PRKCZ: variants seen among roughly 807,000 people sequenced by gnomAD.
The protein encoded by PRKCZ is protein kinase C zeta type.
In PRKCZ, 33 loss-of-function variants were observed where a neutral mutation model predicts 79.5. The ratio of observed to expected loss-of-function variants is 0.41; its 90% CI spans 0.31 to 0.55. The LOEUF (loss-of-function observed/expected upper bound fraction) is 0.55. Ranked by LOEUF, PRKCZ falls within the 20% of genes least tolerant of loss-of-function variation. The pLI is 0.19. For missense variants in PRKCZ, 578 were observed against 813.5 expected, an observed-to-expected ratio of 0.71 and a Z score of 3.52; for synonymous variants, 342 against 320.9, an observed-to-expected ratio of 1.07 and a Z score of -0.70.
intron 4 of PRKCZ, among the ~76,000 whole-genome samples, chr1:2,093,685 C>T (rs371209332): frequency 5.3e-5 from 8 of 152,234 alleles, no homozygotes; most frequent in South Asian, 2.1e-4. Context: ...ACTTCAGCCC[C>T]GCCTCTGCCC....
chr1:2,103,114 T>C (rs1339400333), intron 4 of PRKCZ, among the ~76,000 whole-genome samples: 1 of 152,174 alleles, frequency 6.6e-6, no homozygotes, highest in African/African-American at 2.4e-5. Context: ...ATTCTCCCAC[T>C]TCGCCCGCCC....
In PRKCZ at chr1:2,168,167, GGCTTTGCGGCCACAGGGTCTCT is replaced by G. The variant is rs1683705260; in HGVS notation, c.975-1349_975-1328del. ...GAAGGGCCCAAGAGTAGACATTTTT[GGCTTTGCGGCCACAGGGTCTCT>G]GTTAGCAACTCCCTCTGCCACGGTG... On this transcript the variant is annotated intron_variant, in intron 10 of 17. Coordinates refer to ENST00000378567, the MANE Select transcript of PRKCZ (RefSeq NM_002744.6). This position sits in a 1 kb window ranked among gnomAD's most constrained non-coding sequence, Gnocchi z 4.7. 6.6e-6 allele frequency among the ~76,000 whole-genome samples: 1 copy of G among 152,272 alleles called. No homozygotes were observed. Among genetic ancestry groups the G allele is most frequent in the Non-Finnish European group, 1.5e-5 (1 of 68,008 alleles).
intron 4 of PRKCZ, among the ~76,000 whole-genome samples, chr1:2,070,522 A>G (rs1661479969): frequency 1.3e-5 from 2 of 152,162 alleles, no homozygotes; most frequent in Admixed American, 6.5e-5. Context: ...CTACTTGGCA[A>G]GCGGGAGGTT....
rs556158001 is a variant in PRKCZ at position 2,177,355 on chromosome 1, T to A, written c.1575+2042T>A. Among the ~76,000 whole-genome samples the A allele has an allele frequency of 6.6e-6, 1 of 152,222 alleles. No individual in the cohort carries two copies. The highest frequency in any genetic ancestry group is 2.1e-4 in the South Asian group (1 of 4,820). On this transcript the variant is annotated intron_variant, in intron 16 of 17. Coordinates refer to ENST00000378567, the MANE Select transcript of PRKCZ (RefSeq NM_002744.6). This position sits in a 1 kb window ranked among gnomAD's most constrained non-coding sequence, Gnocchi z 6.4. ...GCCCGTCTCAGCTCAGTCTCCCCCG[T>A]GCCTTTCCCACCCTCTCTCTTCCAA...
intron 4 of PRKCZ, among the ~76,000 whole-genome samples, chr1:2,086,416 G>A (rs1409570882): frequency 2.0e-5 from 3 of 152,106 alleles, no homozygotes; most frequent in African/African-American, 2.4e-5. Flanking sequence ...TGGAATCATC[G>A]ATTTCTGTCA....
chr1:2,161,624 G>T (rs780357232), intron 10 of PRKCZ, among the ~76,000 whole-genome samples: 4 of 152,218 alleles, frequency 2.6e-5, no homozygotes, highest in Non-Finnish European at 5.9e-5. Context: ...GGAGGCACTG[G>T]CCGCTCTTAG....
chr1:2,063,297 T>C (rs901067417), intron 4 of PRKCZ, among the ~76,000 whole-genome samples: 1 of 152,200 alleles, frequency 6.6e-6, no homozygotes, highest in African/African-American at 2.4e-5. Flanking sequence ...GATTGCTGGA[T>C]CATTGATCAT....
At position 2,095,797 on chromosome 1, in the gene PRKCZ, C is replaced by T. The variant is rs568020519; in HGVS notation, c.334+36206C>T. ...CCTCTTCCCTCCTCTGCCCTCTGCT[C>T]CCCTCTCCTCCCTTCCCCTCCTGTC... On this transcript the variant is annotated intron_variant, in intron 4 of 17. Coordinates refer to ENST00000378567, the MANE Select transcript of PRKCZ (RefSeq NM_002744.6). Among the ~76,000 whole-genome samples, 813 of 142,308 alleles carry T rather than the reference C, an allele frequency of 5.7e-3. 14 individuals are homozygous for T. Among genetic ancestry groups the T allele is most frequent in the African/African-American group, 0.02 (754 of 37,968 alleles). The allele number at this position is 142,308 out of a possible 152,430, so 93.4% of individuals were successfully genotyped here.
At chr1:2,097,918 C>T (rs898805745) in intron 4 of PRKCZ, among the ~76,000 whole-genome samples, 1 of 152,246 alleles carries the variant, frequency 6.6e-6, no homozygotes. Flanking sequence ...CCAGTCCCTG[C>T]TGCTGTGTGG....
chr1:2,057,228 C>T (rs1029675775), intron 3 of PRKCZ, among the ~76,000 whole-genome samples: 2 of 152,206 alleles, frequency 1.3e-5, no homozygotes, highest in African/African-American at 4.8e-5. Flanking sequence ...GTTCAAAGCC[C>T]CATGATGAGC....
chr1:2,099,720 G>A (rs967382637), intron 4 of PRKCZ, among the ~76,000 whole-genome samples: 1 of 152,176 alleles, frequency 6.6e-6, no homozygotes, highest in South Asian at 2.1e-4. Context: ...AGGGCCCCTC[G>A]GGAGCCCCTG....
In PRKCZ at chr1:2,114,852, T is replaced by C. The variant is rs538152451; in HGVS notation, c.335-20410T>C. On this transcript the variant is annotated intron_variant, in intron 4 of 17. Coordinates refer to ENST00000378567, the MANE Select transcript of PRKCZ (RefSeq NM_002744.6). Reference sequence around the variant, plus strand: ...TGCCGTTGGGTTTCAGCTTTTCTTATGGAAAGAATGTTACGGCCTGGGTGC... The same window carrying C: ...TGCCGTTGGGTTTCAGCTTTTCTTACGGAAAGAATGTTACGGCCTGGGTGC... Among the ~76,000 whole-genome samples the C allele has an allele frequency of 8.5e-5, 13 of 152,378 alleles. No homozygotes were observed. In the East Asian group the frequency reaches 2.1e-3, roughly 25 times the overall value.
chr1:2,116,932 TTTGA>T, intron 4 of PRKCZ, among the ~76,000 whole-genome samples: 1 of 152,126 alleles, frequency 6.6e-6, no homozygotes, highest in East Asian at 1.9e-4. Context: ...TCTTTAGGCC[TTTGA>T]TTGGGGTTTT....
At chr1:2,134,321 C>T (rs1011779755) in intron 4 of PRKCZ, among the ~76,000 whole-genome samples, 1 of 152,186 alleles carries the variant, frequency 6.6e-6, no homozygotes, top group Non-Finnish European at 1.5e-5. Context: ...TAAAAACATT[C>T]CGTTACAATT....
chr1:2,115,059 A>AC (rs1469861825), intron 4 of PRKCZ, among the ~76,000 whole-genome samples: 1 of 152,198 alleles, frequency 6.6e-6, no homozygotes, highest in Non-Finnish European at 1.5e-5. Context: ...CCCCGAGGTG[A>AC]CCCCAGGCGT....
chr1:2,052,855 A>G (rs1282755502), intron 1 of PRKCZ, among the ~76,000 whole-genome samples: 2 of 152,160 alleles, frequency 1.3e-5, no homozygotes, highest in East Asian at 3.9e-4. Flanking sequence ...AGTCTTTAGA[A>G]AAAGGAAGAG....
At chr1:2,104,128 G>A (rs1316518099) in intron 4 of PRKCZ, among the ~76,000 whole-genome samples, 1 of 152,164 alleles carries the variant, frequency 6.6e-6, no homozygotes, top group Admixed American at 6.5e-5. Flanking sequence ...TAAGGAGACT[G>A]TCTCGGTTTC....
chr1:2,129,154 A>G (rs1405325935), intron 4 of PRKCZ, among the ~76,000 whole-genome samples: 2 of 152,200 alleles, frequency 1.3e-5, no homozygotes, highest in Non-Finnish European at 2.9e-5. Flanking sequence ...GGAACCTTCT[A>G]GTCAATTGCC....
At chr1:2,062,828 A>G (rs539806341) in intron 4 of PRKCZ, among the ~76,000 whole-genome samples, 96 of 152,050 alleles carry the variant, frequency 6.3e-4, no homozygotes, top group Middle Eastern at 6.8e-3. Context: ...ATTCACTGGT[A>G]TTCGATATTC....
Sources: gnomAD v4.1 joint callset for allele counts (sites outside exome capture counted in the v4.1 genomes callset) on GRCh38, gnomAD v4.1.1 for gene constraint, Gnocchi (gnomAD v3.1) non-coding constraint, MANE v1.5 for transcripts, NCBI Gene and HGNC (gene_info 2026-07-23, HGNC 2026-07-21) for gene names.